The following WDPCP variants were observed in gnomAD, a reference collection of about 807,000 sequenced individuals.
WDPCP encodes WD repeat-containing and planar cell polarity effector protein fritz homolog.
WDPCP carries 71 observed loss-of-function variants against 93.1 expected under a neutral mutation model. The ratio of observed to expected loss-of-function variants is 0.76; its 90% CI spans 0.63 to 0.93. The LOEUF (loss-of-function observed/expected upper bound fraction) is 0.93, where lower values mean the gene tolerates loss of function less well. Ranked by LOEUF, WDPCP falls within the 40% of genes least tolerant of loss-of-function variation. WDPCP has a pLI of 0.00. For synonymous variants in WDPCP, 315 were observed against 315.0 expected, an observed-to-expected ratio of 1.00 and a Z score of 0.00; for missense variants, 844 against 887.4, an observed-to-expected ratio of 0.95 and a Z score of 0.62.
At chr2:63,837,182 C>T in the WDPCP span, among the ~76,000 whole-genome samples, 1 of 152,208 alleles carries the variant, frequency 6.6e-6, no homozygotes, top group Non-Finnish European at 1.5e-5. Context: ...CTTTCTCTTC[C>T]TCAAGTATTT....
chr2:63,269,737 A>G (rs778093232), intron 13 of WDPCP, among the ~76,000 whole-genome samples: 3 of 152,168 alleles, frequency 2.0e-5, no homozygotes, highest in African/African-American at 7.2e-5. Flanking sequence ...CAGCTTATAC[A>G]TATTTATGAT....
At chr2:63,152,335 C>A (rs1184014155) in intron 17 of WDPCP, among the ~76,000 whole-genome samples, 2 of 150,464 alleles carry the variant, frequency 1.3e-5, no homozygotes, top group Admixed American at 6.6e-5. Context: ...AGTGCAGTGG[C>A]ATGATCTTGG....
intron 17 of WDPCP, among the ~76,000 whole-genome samples, chr2:63,151,695 T>C (rs1671898310): frequency 1.3e-5 from 2 of 152,194 alleles, no homozygotes; most frequent in South Asian, 4.1e-4. Context: ...AAGATTATTA[T>C]TTTTATTTTC....
At chr2:63,828,410 A>G (rs1386407607), upstream of WDPCP, among the ~76,000 whole-genome samples, 1 of 151,988 alleles carries the variant, frequency 6.6e-6, no homozygotes, top group East Asian at 1.9e-4. Flanking sequence ...ACTTAGTACT[A>G]CTTGATATTA....
At chr2:63,366,034 A>G (rs1690875261) in intron 12 of WDPCP, among the ~76,000 whole-genome samples, 1 of 152,194 alleles carries the variant, frequency 6.6e-6, no homozygotes, top group Non-Finnish European at 1.5e-5. Flanking sequence ...GTGCCTGATA[A>G]ATAGGATCAT....
Position 63,565,531 on chromosome 2 carries a change from G to A in WDPCP, c.75+22666C>T, listed in dbSNP as rs548309605. The stretch of plus-strand genomic sequence containing the variant: ...AGAAAAATAAGGTGTCAGTGGTTGA[G>A]CATTGTGCTTTCATTCAATTCACTT... On this transcript the variant is annotated intron_variant, in intron 1 of 17. Coordinates refer to ENST00000272321, the MANE Select transcript of WDPCP (RefSeq NM_015910.7). Among the ~76,000 whole-genome samples, 23 of 152,244 alleles carry A rather than the reference G, an allele frequency of 1.5e-4. No individual in the cohort carries two copies. The South Asian group carries it at 4.6e-3, about 30-fold the overall frequency.
chr2:63,163,110 T>C (rs1418507212), intron 15 of WDPCP, among the ~76,000 whole-genome samples: 2 of 152,118 alleles, frequency 1.3e-5, no homozygotes, highest in Admixed American at 1.3e-4. Context: ...TCTTACTCAA[T>C]AAGCTTTAGT....
At chr2:63,303,124 A>T (rs1326000871) in intron 13 of WDPCP, among the ~76,000 whole-genome samples, 1 of 152,192 alleles carries the variant, frequency 6.6e-6, no homozygotes, top group East Asian at 1.9e-4. Context: ...AGCCCCTCAG[A>T]GTAACTGGCT....
chr2:63,547,785 T>C (rs1041793814), intron 1 of WDPCP, among the ~76,000 whole-genome samples: 2 of 149,432 alleles, frequency 1.3e-5, no homozygotes, highest in Non-Finnish European at 3.0e-5. Flanking sequence ...AGATAGAGAA[T>C]AGACTTGTGG....
In WDPCP at chr2:63,437,858, G is replaced by A. The variant is rs778510866; in HGVS notation, c.500-304C>T. ...AAAGGTATTTTTAAAAAACTATTTC[G>A]CACCTGAATGTAGAGACGAAAACAT... On this transcript the variant is annotated intron_variant, in intron 7 of 17. Coordinates refer to ENST00000272321, the MANE Select transcript of WDPCP (RefSeq NM_015910.7). 1.1e-5 allele frequency: 18 copies of A among 1,596,222 alleles called. No homozygotes were observed. The highest frequency in any genetic ancestry group is 6.8e-5 in the East Asian group (3 of 44,216).
Position 63,443,838 on chromosome 2 carries a change from C to T in WDPCP, c.385-3967G>A, listed in dbSNP as rs190094045. Among the ~76,000 whole-genome samples, 132 of 152,182 alleles carry T rather than the reference C, an allele frequency of 8.7e-4. 1 individual carries two copies. Among genetic ancestry groups the T allele is most frequent in the Admixed American group, 8.7e-3 (132 of 15,258 alleles). ...ACTTGCTGAAAAATTGAATGTGGCA[C>T]ATGAGAGAAAGACTCAAAGATTTTT... On this transcript the variant is annotated intron_variant, in intron 6 of 17. Transcript: ENST00000272321.
chr2:63,554,350 A>T (rs1235700235), intron 1 of WDPCP, among the ~76,000 whole-genome samples: 3 of 152,150 alleles, frequency 2.0e-5, no homozygotes, highest in African/African-American at 7.2e-5. Flanking sequence ...TTGTCCCATT[A>T]TTGGGGTTGG....
intron 1 of WDPCP, among the ~76,000 whole-genome samples, chr2:63,587,996 G>C (rs1708985406): frequency 6.6e-6 from 1 of 152,226 alleles, no homozygotes; most frequent in Admixed American, 6.5e-5. Context: ...GCTCCATTTG[G>C]GGTCGGGGGT....
At chr2:63,587,256 T>C (rs752309075) in intron 1 of WDPCP, among the ~76,000 whole-genome samples, 5 of 152,098 alleles carry the variant, frequency 3.3e-5, no homozygotes, top group Non-Finnish European at 5.9e-5. Flanking sequence ...AGGGATTTAG[T>C]ATAGACAGAG....
intron 1 of WDPCP, among the ~76,000 whole-genome samples, chr2:63,540,515 C>T (rs1412484808): frequency 6.6e-6 from 1 of 151,998 alleles, no homozygotes; most frequent in Non-Finnish European, 1.5e-5. Flanking sequence ...CAGTGTTCAC[C>T]AAGAAGCACC....
At chr2:63,657,552 G>T (rs1355221570) in intron 2 of WDPCP, among the ~76,000 whole-genome samples, 2 of 152,080 alleles carry the variant, frequency 1.3e-5, no homozygotes, top group Admixed American at 1.3e-4. Context: ...GTTCTGTGGA[G>T]AATAGACTGG....
At chr2:63,264,447 G>A (rs1245569837) in intron 13 of WDPCP, among the ~76,000 whole-genome samples, 1 of 152,134 alleles carries the variant, frequency 6.6e-6, no homozygotes, top group Non-Finnish European at 1.5e-5. Context: ...AGACCATCCT[G>A]GCTAACACAG....
chr2:63,499,064 G>T (rs974630367), intron 1 of WDPCP, among the ~76,000 whole-genome samples: 5 of 152,172 alleles, frequency 3.3e-5, no homozygotes, highest in Non-Finnish European at 7.4e-5. Flanking sequence ...CTGAGTCATA[G>T]ATACAAAGTT....
chr2:63,207,631 C>A (rs1676443397), intron 14 of WDPCP, among the ~76,000 whole-genome samples: 1 of 152,132 alleles, frequency 6.6e-6, no homozygotes, highest in Non-Finnish European at 1.5e-5. Context: ...GATCATAATC[C>A]ATTTTCATTC....
Sources: allele counts gnomAD v4.1 joint callset (sites outside exome capture counted in the v4.1 genomes callset), GRCh38; gene constraint gnomAD v4.1.1; transcripts MANE v1.5; gene names NCBI Gene and HGNC (gene_info 2026-07-23, HGNC 2026-07-21).